The following DAP variants were observed in gnomAD, a reference collection of about 807,000 sequenced individuals.
DAP encodes the protein death associated protein.
In DAP, 8 loss-of-function variants were observed where a neutral mutation model predicts 13.8. The observed-to-expected ratio is 0.58, with a 90% CI of 0.34 to 1.05. The LOEUF (loss-of-function observed/expected upper bound fraction) is 1.05. Among genes scored for constraint, DAP ranks in the 50% least tolerant of loss-of-function variants. The probability of loss-of-function intolerance (pLI) is 0.03; values close to 1 mark genes in which losing one functional copy is unlikely to be tolerated. For synonymous variants in DAP, 47 were observed against 47.5 expected, an observed-to-expected ratio of 0.99 and a Z score of 0.04; for missense variants, 106 against 133.2, an observed-to-expected ratio of 0.80 and a Z score of 1.01.
intron 2 of DAP, among the ~76,000 whole-genome samples, chr5:10,705,252 G>A (rs564790873): frequency 6.6e-6 from 1 of 152,304 alleles, no homozygotes; most frequent in South Asian, 2.1e-4. Context: ...CGTGACACAT[G>A]TATTAAAGGC....
intron 2 of DAP, among the ~76,000 whole-genome samples, chr5:10,690,041 A>G (rs1738265713): frequency 6.6e-6 from 1 of 152,198 alleles, no homozygotes; most frequent in Non-Finnish European, 1.5e-5. Flanking sequence ...CTGGTAAGAA[A>G]TAAGGCACTG....
intron 3 of DAP, among the ~76,000 whole-genome samples, chr5:10,682,244 C>T (rs184194311): frequency 7.7e-4 from 116 of 150,924 alleles, no homozygotes; most frequent in Non-Finnish European, 1.3e-3. Context: ...AGCCGAAGGC[C>T]AGCAGCAACC....
At chr5:10,745,136 C>G (rs950866415) in intron 2 of DAP, among the ~76,000 whole-genome samples, 5 of 152,060 alleles carry the variant, frequency 3.3e-5, no homozygotes, top group Non-Finnish European at 5.9e-5. Flanking sequence ...AATCAGTCCA[C>G]CAGAGAAATG....
intron 2 of DAP, among the ~76,000 whole-genome samples, chr5:10,747,399 A>G (rs1217671652): frequency 6.6e-6 from 1 of 152,222 alleles, no homozygotes; most frequent in African/African-American, 2.4e-5. Flanking sequence ...TGCAGGCCCC[A>G]GGAGGGTTGG....
rs1561014989 is a variant in DAP at position 10,707,639 on chromosome 5, T to C, written c.153-24068A>G. ...CACAGGCGGCGTGATGTACAGGTGGTGTGATGCACGGGTGGTGTGATTTGC... is the reference window on the plus strand; with the variant it reads ...CACAGGCGGCGTGATGTACAGGTGGCGTGATGCACGGGTGGTGTGATTTGC... On this transcript the variant is annotated intron_variant, in intron 2 of 3. Transcript: ENST00000230895. The surrounding 1 kb of genome is among the most constrained non-coding windows in gnomAD (Gnocchi z 4.0). Among the ~76,000 whole-genome samples, 1 of 152,120 alleles carries C rather than the reference T, an allele frequency of 6.6e-6. No individual in the cohort carries two copies. The highest frequency in any genetic ancestry group is 2.1e-4 in the South Asian group (1 of 4,826).
chr5:10,743,411 A>G (rs527350980), intron 2 of DAP, among the ~76,000 whole-genome samples: 8 of 152,304 alleles, frequency 5.3e-5, no homozygotes, highest in Non-Finnish European at 1.0e-4. Context: ...TCTAGGTCAG[A>G]ACCATGCAAA....
chr5:10,728,715 C>T (rs747175708), intron 2 of DAP, among the ~76,000 whole-genome samples: 2 of 152,142 alleles, frequency 1.3e-5, no homozygotes, highest in Non-Finnish European at 2.9e-5. Flanking sequence ...CTTTCGATCA[C>T]GACCACAGCA....
At chr5:10,725,357 TGGG>T in intron 2 of DAP, among the ~76,000 whole-genome samples, 1 of 152,316 alleles carries the variant, frequency 6.6e-6, no homozygotes, top group East Asian at 1.9e-4. Context: ...CTGAGGCGTG[TGGG>T]CTCCTGCACG....
rs1738076778 is a variant in DAP at position 10,683,537 on chromosome 5, T to C, written c.187A>G (p.Ile63Val). Residue 63 changes from isoleucine (I) to valine (V), a missense_variant, in exon 3 of 4, where the codon ATC becomes GTC. By Grantham distance (29) the Ile-to-Val change is conservative (BLOSUM62 3). Transcript: ENST00000230895. The stretch of plus-strand genomic sequence containing the variant: ...GACACTCCCAGACTTACCCGGGCGA[T>C]GACCCCAGAGATGAACACAGTGGGT... ...PKPTVFISGV[I>V]ARGDKDFPPA... 1 of 1,613,612 alleles carries C rather than the reference T, an allele frequency of 6.2e-7. No individual in the cohort carries two copies. Among genetic ancestry groups the C allele is most frequent in the African/African-American group, 1.3e-5 (1 of 74,736 alleles).
intron 2 of DAP, among the ~76,000 whole-genome samples, chr5:10,687,905 CTT>C (rs1199947263): frequency 0.07 from 7,730 of 110,446 alleles, 330 homozygotes; most frequent in East Asian, 0.24. Flanking sequence ...TCATTGTTGT[CTT>C]TTTTTTTTTT....
chr5:10,699,903 C>G (rs1738524468), intron 2 of DAP, among the ~76,000 whole-genome samples: 2 of 152,238 alleles, frequency 1.3e-5, no homozygotes, highest in South Asian at 4.1e-4. Flanking sequence ...ATATGCTTTA[C>G]CACCAGCAAA....
At chr5:10,723,562 A>G (rs1474369036) in intron 2 of DAP, among the ~76,000 whole-genome samples, 1 of 152,260 alleles carries the variant, frequency 6.6e-6, no homozygotes, top group African/African-American at 2.4e-5. Context: ...GGATGGAGGC[A>G]CATAAGAAAC....
intron 1 of DAP, among the ~76,000 whole-genome samples, chr5:10,754,970 T>C (rs138008548): frequency 6.6e-6 from 1 of 151,802 alleles, no homozygotes; most frequent in Admixed American, 6.6e-5. Flanking sequence ...GAAATGAGGG[T>C]TGTAGATGGA....
At chr5:10,725,156 G>C (rs1426650515) in intron 2 of DAP, among the ~76,000 whole-genome samples, 1 of 152,176 alleles carries the variant, frequency 6.6e-6, no homozygotes, top group Non-Finnish European at 1.5e-5. Context: ...CCCATTTCAG[G>C]CTTATTTTTT....
chr5:10,700,227 G>C (rs532157201), intron 2 of DAP, among the ~76,000 whole-genome samples: 3 of 152,174 alleles, frequency 2.0e-5, no homozygotes, highest in Non-Finnish European at 2.9e-5. Flanking sequence ...ATCTACATGA[G>C]AGCCTTCCTT....
intron 2 of DAP, among the ~76,000 whole-genome samples, chr5:10,689,630 G>A (rs917926013): frequency 6.6e-6 from 1 of 152,248 alleles, no homozygotes; most frequent in Admixed American, 6.5e-5. Context: ...GCCAACCACT[G>A]GGTGGCGAGG....
intron 2 of DAP, among the ~76,000 whole-genome samples, chr5:10,732,253 C>A (rs1051433776): frequency 1.3e-5 from 2 of 152,204 alleles, no homozygotes; most frequent in Admixed American, 1.3e-4. Context: ...GCTTTTAATA[C>A]ATTCACTATG....
chr5:10,682,432 C>T (rs560947447), intron 3 of DAP, among the ~76,000 whole-genome samples: 2 of 150,188 alleles, frequency 1.3e-5, no homozygotes, highest in Admixed American at 1.3e-4. Flanking sequence ...AGCGTCCCTG[C>T]AGGAAGCATG....
intron 2 of DAP, among the ~76,000 whole-genome samples, chr5:10,694,413 C>T (rs1738384310): frequency 6.6e-6 from 1 of 152,130 alleles, no homozygotes; most frequent in Non-Finnish European, 1.5e-5. Flanking sequence ...CACACACGCA[C>T]ATACACACAG....
Sources: gnomAD v4.1 joint callset for allele counts (sites outside exome capture counted in the v4.1 genomes callset) on GRCh38, gnomAD v4.1.1 for gene constraint, Gnocchi (gnomAD v3.1) non-coding constraint, MANE v1.5 for transcripts, NCBI Gene and HGNC (gene_info 2026-07-23, HGNC 2026-07-21) for gene names.